Variants in ZMIZ1 observed in about 807,000 individuals in gnomAD.
ZMIZ1 encodes zinc finger MIZ domain-containing protein 1.
ZMIZ1 carries 17 observed loss-of-function variants against 113.9 expected under a neutral mutation model. The observed-to-expected ratio is 0.15, with a 90% CI of 0.10 to 0.22. The LOEUF (loss-of-function observed/expected upper bound fraction) is 0.22. Among genes scored for constraint, ZMIZ1 ranks in the 10% least tolerant of loss-of-function variants. The pLI, the probability that ZMIZ1 is intolerant of heterozygous loss-of-function variation, is 1.00. For missense variants in ZMIZ1, 1,059 were observed against 1,477.8 expected (o/e 0.72, Z 4.65); for synonymous variants, 607 against 603.1 (o/e 1.01, Z -0.09).
At chr10:79,223,203 T>C (rs1849053448) in intron 7 of ZMIZ1, among the ~76,000 whole-genome samples, 1 of 152,260 alleles carries the variant, frequency 6.6e-6, no homozygotes, top group South Asian at 2.1e-4. Flanking sequence ...GACAAAGCTG[T>C]GCGCAGCTCT....
intron 1 of ZMIZ1, among the ~76,000 whole-genome samples, chr10:79,103,289 G>A (rs987035993): frequency 1.4e-4 from 21 of 151,868 alleles, no homozygotes; most frequent in Admixed American, 2.0e-4. Flanking sequence ...GGGCCGTGGG[G>A]ATGCCTGGGG....
chr10:79,075,457 A>G (rs942388124), intron 1 of ZMIZ1, among the ~76,000 whole-genome samples: 14 of 152,156 alleles, frequency 9.2e-5, no homozygotes, highest in African/African-American at 3.1e-4. Context: ...CCCTAGAGAT[A>G]GGGCTTGGGG....
intron 4 of ZMIZ1, among the ~76,000 whole-genome samples, chr10:79,170,937 G>C (rs1237196270): frequency 6.6e-6 from 1 of 152,160 alleles, no homozygotes; most frequent in Non-Finnish European, 1.5e-5. Flanking sequence ...TGAGCCCCTA[G>C]GAAAAGAGAG....
chr10:79,310,334 G>A (rs930813729), intron 23 of ZMIZ1, among the ~76,000 whole-genome samples: 3 of 152,194 alleles, frequency 2.0e-5, no homozygotes, highest in Non-Finnish European at 2.9e-5. Context: ...CACCCGCGCT[G>A]CAGGGCTTGT....
In ZMIZ1 at chr10:79,202,453, G is replaced by GA. The variant is rs200110099; in HGVS notation, c.60+770dup. On this transcript the variant is annotated intron_variant, in intron 5 of 24. Transcript: ENST00000334512. ...ACCCCATCTGTATTTTTTAAAAAAA[G>GA]AAAAAAAAAGCCACAAGACAAGAGG... 2.2e-3 allele frequency among the ~76,000 whole-genome samples: 327 copies of GA among 149,030 alleles called. 5 individuals carry two copies. Among genetic ancestry groups the GA allele is most frequent in the African/African-American group, 7.4e-3 (301 of 40,632 alleles).
At chr10:79,281,281 C>T (rs185317371) in intron 8 of ZMIZ1, among the ~76,000 whole-genome samples, 155 of 152,286 alleles carry the variant, frequency 1.0e-3, no homozygotes, top group African/African-American at 3.6e-3. Context: ...ACTGGGGCCA[C>T]GTTGGAATCT....
intron 1 of ZMIZ1, among the ~76,000 whole-genome samples, chr10:79,116,320 AC>A (rs1844027866): frequency 1.3e-5 from 2 of 151,932 alleles, no homozygotes; most frequent in East Asian, 3.9e-4. Flanking sequence ...GTGTCACCCA[AC>A]CCTGATAGAG....
chr10:79,199,307 A>C lies in ZMIZ1; in HGVS notation c.-49-2277A>C, dbSNP rs1163168734. ...GGAATCACGAGATCAGGAGATTGAGACCATCCTGGCTAACACAGTGAAACC... is the reference window on the plus strand; with the variant it reads ...GGAATCACGAGATCAGGAGATTGAGCCCATCCTGGCTAACACAGTGAAACC... On this transcript the variant is annotated intron_variant, in intron 4 of 24. Transcript: ENST00000334512. Among the ~76,000 whole-genome samples, 3 of 152,250 alleles carry C rather than the reference A, an allele frequency of 2.0e-5. No homozygotes were observed. In the East Asian group the frequency reaches 5.8e-4, roughly 29 times the overall value.
intron 9 of ZMIZ1, among the ~76,000 whole-genome samples, chr10:79,290,342 T>C (rs1384525650): frequency 6.6e-6 from 1 of 152,160 alleles, no homozygotes; most frequent in Non-Finnish European, 1.5e-5. Flanking sequence ...CATTCCTTCC[T>C]CTCTCTTCCA....
At chr10:79,087,338 A>G (rs1842849379) in intron 1 of ZMIZ1, among the ~76,000 whole-genome samples, 1 of 150,732 alleles carries the variant, frequency 6.6e-6, no homozygotes, top group Admixed American at 6.6e-5. Context: ...ACATTGTCCC[A>G]TGGTCCTGGC....
chr10:79,243,683 C>T, intron 7 of ZMIZ1: 1 of 307,812 alleles, frequency 3.2e-6, no homozygotes, highest in South Asian at 2.2e-5. Flanking sequence ...CGCCGCCGGC[C>T]GGGCCCCAAG....
chr10:79,250,081 T>C (rs1030818861), intron 7 of ZMIZ1, among the ~76,000 whole-genome samples: 6 of 152,254 alleles, frequency 3.9e-5, no homozygotes, highest in Admixed American at 2.0e-4. Context: ...ATCTGGCCCA[T>C]AGTAACGTCT....
At chr10:79,197,642 A>ACACC (rs1330208910) in intron 4 of ZMIZ1, among the ~76,000 whole-genome samples, 8 of 145,578 alleles carry the variant, frequency 5.5e-5, no homozygotes, top group African/African-American at 2.0e-4. Context: ...ACACACACAC[A>ACACC]CCTGTACCCT....
At chr10:79,311,355 G>A (rs1050910624) in intron 24 of ZMIZ1, among the ~76,000 whole-genome samples, 171 bp downstream of exon 24, 5 of 152,172 alleles carry the variant, frequency 3.3e-5, no homozygotes, top group Non-Finnish European at 7.4e-5. Flanking sequence ...TGATGGGGAA[G>A]TGTCACCACT....
chr10:79,259,152 C>G (rs537384155), intron 7 of ZMIZ1, among the ~76,000 whole-genome samples: 5 of 152,154 alleles, frequency 3.3e-5, no homozygotes, highest in East Asian at 3.9e-4. Context: ...GTTGCCCTGT[C>G]GAGCCAAACT....
chr10:79,112,715 A>C (rs1843798830), intron 1 of ZMIZ1, among the ~76,000 whole-genome samples: 1 of 152,206 alleles, frequency 6.6e-6, no homozygotes. Context: ...CTGCAGATCT[A>C]AGGACATTTC....
chr10:79,145,992 G>A (rs1052586053), intron 3 of ZMIZ1, among the ~76,000 whole-genome samples: 1 of 152,204 alleles, frequency 6.6e-6, no homozygotes, highest in African/African-American at 2.4e-5. Context: ...ATAGATGTGA[G>A]CTGCCACACC....
intron 7 of ZMIZ1, among the ~76,000 whole-genome samples, chr10:79,234,155 G>A (rs1222107173): frequency 1.3e-5 from 2 of 152,208 alleles, no homozygotes; most frequent in African/African-American, 4.8e-5. Flanking sequence ...ATTTGCCTCA[G>A]CAGGTAGAGG....
chr10:79,104,950 G>GGGGTGTGTGTGTGTGTGT (rs1190362797), intron 1 of ZMIZ1, among the ~76,000 whole-genome samples: 50 of 140,184 alleles, frequency 3.6e-4, no homozygotes, highest in African/African-American at 1.3e-3. Context: ...GTTGTTGTGG[G>GGGGTGTGTGTGTGTGTGT]GTGTGTGTGT....
Sources: gnomAD v4.1 joint callset for allele counts (sites outside exome capture counted in the v4.1 genomes callset) on GRCh38, gnomAD v4.1.1 for gene constraint, MANE v1.5 for transcripts, NCBI Gene and HGNC (gene_info 2026-07-23, HGNC 2026-07-21) for gene names.